The following SGCZ variants were observed in gnomAD, a reference collection of about 807,000 sequenced individuals.
SGCZ encodes the protein zeta-sarcoglycan.
In SGCZ, 40 loss-of-function variants were observed where a neutral mutation model predicts 41.3. That is an observed-to-expected ratio of 0.97 (90% CI 0.75 to 1.26). The LOEUF is 1.26. Ranked by LOEUF, SGCZ falls within the 50% of genes most tolerant of loss-of-function variation. The probability of loss-of-function intolerance (pLI) is 0.00; values close to 1 mark genes in which losing one functional copy is unlikely to be tolerated. For synonymous variants in SGCZ, 206 were observed against 137.5 expected (o/e 1.50, Z -3.49); for missense variants, 552 against 369.8 (o/e 1.49, Z -4.04).
chr8:14,146,033 A>T (rs1358651110), intron 5 of SGCZ, among the ~76,000 whole-genome samples: 1 of 152,206 alleles, frequency 6.6e-6, no homozygotes, highest in Admixed American at 6.5e-5. Context: ...ATTCAAAAGG[A>T]CAATAACAGA....
At chr8:14,687,170 AAAT>A (rs1233027900) in intron 1 of SGCZ, among the ~76,000 whole-genome samples, 6 of 142,060 alleles carry the variant, frequency 4.2e-5, no homozygotes, top group Admixed American at 1.5e-4. Flanking sequence ...AAGAAAAAAA[AAAT>A]ATATATATAT....
At chr8:14,109,994 G>A (rs920276587) in intron 5 of SGCZ, among the ~76,000 whole-genome samples, 7 of 151,946 alleles carry the variant, frequency 4.6e-5, no homozygotes, top group African/African-American at 1.4e-4. Flanking sequence ...TAGGACATAT[G>A]GTCCTTGTTT....
chr8:14,582,422 T>A (rs974061877), intron 1 of SGCZ, among the ~76,000 whole-genome samples: 4 of 152,176 alleles, frequency 2.6e-5, no homozygotes, highest in African/African-American at 9.7e-5. Flanking sequence ...TACATACATA[T>A]ATGCACATAT....
chr8:14,177,267 T>C (rs1207723087), intron 4 of SGCZ, among the ~76,000 whole-genome samples: 1 of 152,090 alleles, frequency 6.6e-6, no homozygotes, highest in Non-Finnish European at 1.5e-5. Flanking sequence ...TGTGCTGTTG[T>C]TGCAATAAGG....
chr8:14,589,777 A>G (rs1286618776), intron 1 of SGCZ, among the ~76,000 whole-genome samples: 3 of 152,222 alleles, frequency 2.0e-5, no homozygotes, highest in African/African-American at 7.2e-5. Context: ...AGGGAGATGT[A>G]TATGGATAAA....
intron 1 of SGCZ, among the ~76,000 whole-genome samples, chr8:14,812,256 C>A (rs1338115962): frequency 1.3e-5 from 2 of 151,862 alleles, no homozygotes; most frequent in African/African-American, 4.8e-5. Context: ...TTTTTTCCAA[C>A]ATTCACATTC....
At chr8:14,352,443 T>C (rs1212485227) in intron 2 of SGCZ, among the ~76,000 whole-genome samples, 2 of 152,076 alleles carry the variant, frequency 1.3e-5, no homozygotes, top group Non-Finnish European at 2.9e-5. Context: ...TGTAGTTTTA[T>C]AAAAGCCAAG....
rs536719573 is a variant in SGCZ, at chr8:14,137,656, G to C, written c.547+26924C>G. 1.3e-4 allele frequency among the ~76,000 whole-genome samples: 20 copies of C among 152,310 alleles called. 1 individual carries two copies. The South Asian group carries it at 3.7e-3, about 28-fold the overall frequency. On this transcript the variant is annotated intron_variant, in intron 5 of 7. Coordinates refer to ENST00000382080, the MANE Select transcript of SGCZ (RefSeq NM_139167.4). The stretch of plus-strand genomic sequence containing the variant: ...AAAAGAGTAAAAAGAAATGAACAAA[G>C]CCTCCAAGAAATATGGGACTTTGTG...
chr8:14,917,372 A>G (rs1280330727), intron 1 of SGCZ, among the ~76,000 whole-genome samples: 1 of 152,110 alleles, frequency 6.6e-6, no homozygotes, highest in African/African-American at 2.4e-5. Flanking sequence ...CGTAACTTTA[A>G]CCAAGTGGAA....
chr8:14,340,657 G>A (rs1802671198), intron 2 of SGCZ, among the ~76,000 whole-genome samples: 1 of 152,118 alleles, frequency 6.6e-6, no homozygotes. Flanking sequence ...TAACTAGAGA[G>A]CCTATGACAC....
intron 1 of SGCZ, among the ~76,000 whole-genome samples, chr8:14,931,814 C>G (rs73201299): frequency 0.18 from 27,350 of 151,876 alleles, 2,880 homozygotes; most frequent in East Asian, 0.29. Context: ...TCCCAACATT[C>G]TTATTTCACT....
chr8:14,465,036 G>A (rs1801010448), intron 2 of SGCZ, among the ~76,000 whole-genome samples: 1 of 151,634 alleles, frequency 6.6e-6, no homozygotes, highest in Admixed American at 6.6e-5. Flanking sequence ...GTACCCTTGA[G>A]AAGAATATGT....
chr8:14,421,784 T>A (rs1034018346), intron 2 of SGCZ, among the ~76,000 whole-genome samples: 1 of 152,134 alleles, frequency 6.6e-6, no homozygotes, highest in Non-Finnish European at 1.5e-5. Context: ...TAGGGCTTGA[T>A]ATATACTAGG....
At chr8:14,708,918 A>C (rs1809418319) in intron 1 of SGCZ, among the ~76,000 whole-genome samples, 1 of 151,994 alleles carries the variant, frequency 6.6e-6, no homozygotes, top group African/African-American at 2.4e-5. Flanking sequence ...AAAACTGCTT[A>C]CATGAGAATG....
At chr8:15,014,815 A>G (rs1444516668) in intron 1 of SGCZ, among the ~76,000 whole-genome samples, 1 of 152,222 alleles carries the variant, frequency 6.6e-6, no homozygotes, top group South Asian at 2.1e-4. Flanking sequence ...TGTCCAGACA[A>G]TTAGTTTTAT....
intron 1 of SGCZ, among the ~76,000 whole-genome samples, chr8:15,064,534 C>CAAAAA: frequency 7.6e-6 from 1 of 132,078 alleles, no homozygotes; most frequent in Non-Finnish European, 1.6e-5. Context: ...CCAGGCCTCT[C>CAAAAA]AAAAAAAAAA....
At chr8:14,627,621 A>G (rs909484630) in intron 1 of SGCZ, among the ~76,000 whole-genome samples, 2 of 151,966 alleles carry the variant, frequency 1.3e-5, no homozygotes. Flanking sequence ...TCCTAATTTT[A>G]GATTTCAGCA....
chr8:15,147,404 G>A (rs939612979), intron 1 of SGCZ, among the ~76,000 whole-genome samples: 1 of 151,962 alleles, frequency 6.6e-6, no homozygotes, highest in Non-Finnish European at 1.5e-5. Flanking sequence ...TCAGCCTCCC[G>A]AGTAACTGGG....
chr8:14,802,883 C>T lies in SGCZ; in HGVS notation c.40-247957G>A, dbSNP rs186006639. ...TACAGGCACTCAACTCACAGCCCAC[C>T]TGCACTGAAGCTTCCTGTCTGCAAG... On this transcript the variant is annotated intron_variant, in intron 1 of 7. Transcript: ENST00000382080. Among the ~76,000 whole-genome samples, 645 of 152,306 alleles carry T rather than the reference C, an allele frequency of 4.2e-3. 2 individuals carry two copies. The highest frequency in any genetic ancestry group is 0.01 in the South Asian group (50 of 4,828).
Sources: gnomAD v4.1 joint callset for allele counts (sites outside exome capture counted in the v4.1 genomes callset) on GRCh38, gnomAD v4.1.1 for gene constraint, MANE v1.5 for transcripts, NCBI Gene and HGNC (gene_info 2026-07-23, HGNC 2026-07-21) for gene names.